RC3H1: variants seen among roughly 807,000 people sequenced by gnomAD.
RC3H1 encodes roquin-1.
In RC3H1, 50 loss-of-function variants were observed where a neutral mutation model predicts 138.2. The observed-to-expected ratio is 0.36, with a 90% confidence interval of 0.29 to 0.46. The LOEUF (loss-of-function observed/expected upper bound fraction) is 0.46, where lower values mean the gene tolerates loss of function less well. RC3H1 is among the 20% of genes least tolerant of loss of function. The probability of loss-of-function intolerance (pLI) is 1.00; values close to 1 mark genes in which losing one functional copy is unlikely to be tolerated. For missense variants in RC3H1, 1,031 were observed against 1,388.1 expected, an observed-to-expected ratio of 0.74 and a Z score of 4.09; for synonymous variants, 462 against 489.1, an observed-to-expected ratio of 0.94 and a Z score of 0.73.
At chr1:173,957,867 T>A (rs1659714155) in intron 13 of RC3H1, among the ~76,000 whole-genome samples, 1 of 152,264 alleles carries the variant, frequency 6.6e-6, no homozygotes, top group African/African-American at 2.4e-5. Context: ...CTGGCTGTTT[T>A]TACTTTACAA....
chr1:173,948,131 T>C (rs575751722), intron 14 of RC3H1, among the ~76,000 whole-genome samples: 1 of 152,126 alleles, frequency 6.6e-6, no homozygotes, highest in Admixed American at 6.5e-5. Context: ...CAAAGCAGAA[T>C]GTAATCACTT....
chr1:174,010,692 A>G (rs1661734502), intron 1 of RC3H1, among the ~76,000 whole-genome samples: 1 of 142,574 alleles, frequency 7.0e-6, no homozygotes, highest in Non-Finnish European at 1.5e-5. Flanking sequence ...ATCACACCTG[A>G]CCACACAGCA....
At chr1:174,006,493 T>G (rs61826783) in intron 1 of RC3H1, among the ~76,000 whole-genome samples, 113 of 152,148 alleles carry the variant, frequency 7.4e-4, no homozygotes, top group Non-Finnish European at 1.5e-3. Flanking sequence ...ACTTAGTGAT[T>G]TAGTCATAAT....
At chr1:173,940,200 G>A (rs1572109034) in intron 19 of RC3H1, among the ~76,000 whole-genome samples, 8 of 152,100 alleles carry the variant, frequency 5.3e-5, no homozygotes, top group South Asian at 4.1e-4. Context: ...AGCCGGGTGC[G>A]GTGGCTCATA....
At chr1:173,992,444 G>A (rs144494147) in intron 2 of RC3H1, among the ~76,000 whole-genome samples, 33 of 152,060 alleles carry the variant, frequency 2.2e-4, no homozygotes, top group South Asian at 2.1e-3. Context: ...CACCACACCC[G>A]GCCTTAGGTT....
chr1:173,939,528 C>CAA (rs61301994), intron 19 of RC3H1, among the ~76,000 whole-genome samples: 20 of 35,934 alleles, frequency 5.6e-4, no homozygotes, highest in East Asian at 9.7e-4. Flanking sequence ...GAGATTTTAT[C>CAA]AAAAAAAAAA....
At position 174,020,501 on chromosome 1, in the gene RC3H1, T is replaced by C. The variant is rs530027947; in HGVS notation, c.-151+1595A>G. ...TTACCCTTAGAAGAGGTGAAAGATA[T>C]TAACTGGCATCTTTTCAGCACAGGT... On this transcript the variant is annotated intron_variant, in intron 1 of 19. Coordinates refer to ENST00000367696, the MANE Select transcript of RC3H1 (RefSeq NM_172071.4). 1.1e-4 allele frequency among the ~76,000 whole-genome samples: 17 copies of C among 152,310 alleles called. No individual in the cohort carries two copies. In the East Asian group the frequency reaches 2.9e-3, roughly 26 times the overall value.
intron 9 of RC3H1, among the ~76,000 whole-genome samples, chr1:173,967,177 T>C (rs1421657362): frequency 6.6e-6 from 1 of 151,978 alleles, no homozygotes; most frequent in Non-Finnish European, 1.5e-5. Flanking sequence ...AAAAATTAGC[T>C]GGGCATGGTG....
chr1:173,976,263 C>G (rs959763331), intron 7 of RC3H1, among the ~76,000 whole-genome samples: 3 of 151,550 alleles, frequency 2.0e-5, no homozygotes, highest in Non-Finnish European at 4.4e-5. Context: ...ATGGTGAAAC[C>G]CTGTTTCTAC....
chr1:173,996,911 TTC>T (rs1661471468), intron 1 of RC3H1, among the ~76,000 whole-genome samples: 1 of 151,616 alleles, frequency 6.6e-6, no homozygotes, highest in Non-Finnish European at 1.5e-5. Flanking sequence ...GGCAAAGGAA[TTC>T]TGTTTTTTTT....
rs145559905 is a variant in RC3H1 at position 173,946,181 on chromosome 1, AAAAC to A, written c.2961+291_2961+294del. On this transcript the variant is annotated intron_variant, in intron 17 of 19. Coordinates refer to ENST00000367696, the MANE Select transcript of RC3H1 (RefSeq NM_172071.4). ...AATACTGTCTCAAAAAAAGAAAACC[AAAAC>A]AAACAAACAAACAAACAAACAAAAA... Among the ~76,000 whole-genome samples, 608 of 152,096 alleles carry A rather than the reference AAAAC, an allele frequency of 4.0e-3. 15 individuals are homozygous for A. The highest frequency in any genetic ancestry group is 0.032 in the Admixed American group (490 of 15,260).
rs905034272 is a variant in RC3H1, at chr1:173,946,357, A to T, written c.2961+119T>A. The T allele has an allele frequency of 1.9e-5, 16 of 830,020 alleles. No individual in the cohort carries two copies. The Admixed American group carries it at 3.1e-4, about 16-fold the overall frequency. The allele number at this position is 830,020 out of a possible 1,614,324, so 51.4% of individuals were successfully genotyped here. ...TGAATTCTTTGAAGAATAGAAACCT[A>T]TACTAACTCCTAAGAAATAGACCTT... is the stretch of plus-strand genomic sequence containing the variant. On this transcript the variant is annotated intron_variant, in intron 17 of 19. Coordinates refer to ENST00000367696, the MANE Select transcript of RC3H1 (RefSeq NM_172071.4).
chr1:173,950,359 A>T lies in RC3H1; in HGVS notation c.2523+1627T>A, dbSNP rs116687994. ...CTTTCAGAAGCAGGAGAATCGCTTG[A>T]GCCCAGGAGTTCAGGACCAGCCTGT... is the stretch of plus-strand genomic sequence containing the variant. On this transcript the variant is annotated intron_variant, in intron 14 of 19. Transcript: ENST00000367696. 8.4e-3 allele frequency among the ~76,000 whole-genome samples: 1,245 copies of T among 148,616 alleles called. 14 individuals carry two copies. The highest frequency in any genetic ancestry group is 0.03 in the African/African-American group (1,197 of 39,668).
In RC3H1 at chr1:173,943,608, C is replaced by G. The variant is rs1289374409; in HGVS notation, c.2969G>C (p.Ser990Thr). 1 of 1,611,992 alleles carries G rather than the reference C, an allele frequency of 6.2e-7. No individual in the cohort carries two copies. The highest frequency in any genetic ancestry group is 1.7e-5 in the Admixed American group (1 of 59,850). The change falls in exon 18 of 20, where the codon AGT (serine) becomes ACT (threonine). Residue 990 changes from serine to threonine, a missense_variant. This residue lies in a region of RC3H1 where 716 missense variants were observed against 837.9 expected (regional missense o/e 0.85). Coordinates refer to ENST00000367696, the MANE Select transcript of RC3H1 (RefSeq NM_172071.4). ...CTCCCTCTGCAACACCAGCCTGTTA[C>G]TAACAGCCTAGTGCATAAAGCCAAG... ...QTQLRGLEAVSNRLVLQREAN... is the reference protein window; with the variant it reads ...QTQLRGLEAVTNRLVLQREAN...
Position 173,993,107 on chromosome 1 carries a change from TAC to T in RC3H1, c.-124_-123del, listed in dbSNP as rs1661364890. 1 of 690,486 alleles carries T rather than the reference TAC, an allele frequency of 1.4e-6. No individual in the cohort carries two copies. The highest frequency in any genetic ancestry group is 2.5e-6 in the Non-Finnish European group (1 of 406,428). The allele number at this position is 690,486 out of a possible 1,614,324, so 42.8% of individuals were successfully genotyped here. ...TTTTTTTTTAAATATCTTCTGTAGA[TAC>T]AGTCAGCACATAGTGTGAAATATAA... On this transcript the variant is annotated 5_prime_UTR_variant, in exon 2 of 20. Transcript: ENST00000367696.
rs141917412 is a variant in RC3H1, at chr1:174,001,862, A to G, written c.-150-8727T>C. 4.6e-4 allele frequency among the ~76,000 whole-genome samples: 70 copies of G among 152,338 alleles called. No homozygotes were observed. In the East Asian group the frequency reaches 0.013, roughly 27 times the overall value. ...ACATATACTATACTATCAAGTAAATAAATTTATAATCACCAATTTAGTGTT... is the reference window on the plus strand; with the variant it reads ...ACATATACTATACTATCAAGTAAATGAATTTATAATCACCAATTTAGTGTT... On this transcript the variant is annotated intron_variant, in intron 1 of 19. Transcript: ENST00000367696.
chr1:174,014,539 C>T (rs1005233037), intron 1 of RC3H1, among the ~76,000 whole-genome samples: 1 of 152,042 alleles, frequency 6.6e-6, no homozygotes, highest in Non-Finnish European at 1.5e-5. Flanking sequence ...TACAGTTAAC[C>T]CTAAACTATA....
intron 4 of RC3H1, 130 bp from the exon 5 acceptor site, chr1:173,983,032 CA>C: frequency 1.3e-6 from 1 of 751,010 alleles, no homozygotes; most frequent in African/African-American, 1.8e-5. Flanking sequence ...GATTAACCAG[CA>C]ACACACTTTT....
chr1:173,947,642 T>C (rs2102869742), intron 14 of RC3H1, 60 bp from the exon 15 acceptor site: 3 of 1,276,280 alleles, frequency 2.4e-6, no homozygotes, highest in African/African-American at 1.5e-5. Flanking sequence ...AACCTAATTT[T>C]TTCTAGATCT....
Sources: allele counts gnomAD v4.1 joint callset (sites outside exome capture counted in the v4.1 genomes callset), GRCh38; gene constraint gnomAD v4.1.1; regional missense constraint gnomAD v4.1.1; transcripts MANE v1.5; gene names NCBI Gene and HGNC (gene_info 2026-07-23, HGNC 2026-07-21).